Variants in TGM6 observed in about 807,000 individuals in gnomAD.
TGM6 encodes the protein transglutaminase 6.
Under a neutral mutation model 77.5 loss-of-function variants are expected in TGM6, and 74 were observed. The observed-to-expected ratio is 0.96, with a 90% CI of 0.79 to 1.16. TGM6 has a LOEUF of 1.16. TGM6 is among the 50% of genes most tolerant of loss of function. The pLI is 0.00. For synonymous variants in TGM6, 383 were observed against 378.9 expected, an observed-to-expected ratio of 1.01 and a Z score of -0.12; for missense variants, 968 against 940.2, an observed-to-expected ratio of 1.03 and a Z score of -0.39.
intron 7 of TGM6, among the ~76,000 whole-genome samples, chr20:2,402,382 T>C (rs1045669860): frequency 4.6e-5 from 7 of 152,180 alleles, no homozygotes; most frequent in African/African-American, 1.7e-4. Context: ...GGCCTCCAGC[T>C]CAGACCATCT....
intron 2 of TGM6, 106 bp from the exon 3 acceptor site, chr20:2,395,088 A>G (rs2084653974): frequency 6.5e-7 from 1 of 1,533,938 alleles, no homozygotes; most frequent in Non-Finnish European, 8.8e-7. Context: ...GCCTCCCAGA[A>G]GTTCAGGGGG....
chr20:2,417,413 GCTGGGCCACGACCTGAGA>G lies in TGM6; in HGVS notation c.1523_1540del (p.Gly508_Leu513del). The stretch of plus-strand genomic sequence containing the variant: ...AGTTCAAGGTGCTAGAGCCTCCCAT[GCTGGGCCACGACCTGAGA>G]CTGGCCCTGTGCTTGGCCAACCTCA... On this transcript the variant is annotated inframe_deletion, in exon 10 of 13. Transcript: ENST00000202625. 1 of 1,613,240 alleles carries G rather than the reference GCTGGGCCACGACCTGAGA, an allele frequency of 6.2e-7. No homozygotes were observed.
chr20:2,430,662 A>G, intron 11 of TGM6, 62 bp downstream of exon 11: 1 of 1,609,732 alleles, frequency 6.2e-7, no homozygotes, highest in Non-Finnish European at 8.5e-7. Context: ...GAGCTGGGGG[A>G]GGGCGTCAGA....
At chr20:2,422,322 T>G (rs907356366) in intron 10 of TGM6, among the ~76,000 whole-genome samples, 1 of 152,188 alleles carries the variant, frequency 6.6e-6, no homozygotes, top group Non-Finnish European at 1.5e-5. Context: ...CACCATTTGT[T>G]GACTATCTTT....
intron 10 of TGM6, 137 bp from the exon 11 acceptor site, chr20:2,430,309 G>A (rs1447775758): frequency 1.7e-6 from 2 of 1,211,066 alleles, no homozygotes; most frequent in African/African-American, 3.0e-5. Flanking sequence ...TGAGAACCGA[G>A]GAAAATAAAG....
At chr20:2,420,047 A>G (rs1324138630) in intron 10 of TGM6, among the ~76,000 whole-genome samples, 2 of 152,154 alleles carry the variant, frequency 1.3e-5, no homozygotes, top group African/African-American at 2.4e-5. Flanking sequence ...GATGGAGACC[A>G]TCCTAGCTAA....
At chr20:2,417,754 G>A (rs1353875516) in intron 10 of TGM6, among the ~76,000 whole-genome samples, 181 bp downstream of exon 10, 2 of 152,162 alleles carry the variant, frequency 1.3e-5, no homozygotes, top group East Asian at 3.9e-4. Context: ...ACTGAGACTC[G>A]GAGGGGCAAA....
chr20:2,385,342 A>G lies in TGM6; in HGVS notation c.7+4367A>G, dbSNP rs537639319. ...GAGGCTATGTGACAATCTTCACATC[A>G]GCACTCTCTCGGCTGGGGAGGGGGG... On this transcript the variant is annotated intron_variant, in intron 1 of 12. Transcript: ENST00000202625. Among the ~76,000 whole-genome samples, 22 of 151,958 alleles carry G rather than the reference A, an allele frequency of 1.4e-4. No individual in the cohort carries two copies. The South Asian group carries it at 4.0e-3, about 27-fold the overall frequency.
At chr20:2,423,048 G>A (rs796286592) in intron 10 of TGM6, among the ~76,000 whole-genome samples, 7 of 151,592 alleles carry the variant, frequency 4.6e-5, no homozygotes, top group African/African-American at 1.7e-4. Context: ...TGCTACCTTA[G>A]TTGATAAAGC....
At chr20:2,387,675 T>C (rs1184254285) in intron 1 of TGM6, among the ~76,000 whole-genome samples, 1 of 152,248 alleles carries the variant, frequency 6.6e-6, no homozygotes, top group Admixed American at 6.5e-5. Flanking sequence ...GACAAGAATC[T>C]TGGCTCTCTC....
rs145188108 is a variant in TGM6 at position 2,408,724 on chromosome 20, T to C, written c.1336+4901T>C. Among the ~76,000 whole-genome samples the C allele has an allele frequency of 3.0e-3, 458 of 152,320 alleles. 4 individuals are homozygous for C. The highest frequency in any genetic ancestry group is 0.01 in the African/African-American group (426 of 41,566). ...GCTACAGGACATATAAGCCACATTT[T>C]CACATTTTTTTCTATTGGCATGTGT... On this transcript the variant is annotated intron_variant, in intron 9 of 12. Coordinates refer to ENST00000202625, the MANE Select transcript of TGM6 (RefSeq NM_198994.3).
intron 1 of TGM6, among the ~76,000 whole-genome samples, chr20:2,384,526 G>T (rs2084580969): frequency 6.6e-6 from 1 of 152,128 alleles, no homozygotes; most frequent in Non-Finnish European, 1.5e-5. Context: ...GTATGTGCCT[G>T]GTACCAGTCT....
intron 10 of TGM6, among the ~76,000 whole-genome samples, chr20:2,419,043 C>T (rs1244914343): frequency 6.6e-6 from 1 of 152,230 alleles, no homozygotes. Flanking sequence ...TCCTTGAACA[C>T]ATAGCACTTC....
chr20:2,381,189 C>G (rs2084552251), intron 1 of TGM6, among the ~76,000 whole-genome samples: 2 of 152,156 alleles, frequency 1.3e-5, no homozygotes, highest in South Asian at 4.1e-4. Flanking sequence ...CCCAGGCTGG[C>G]TCAGGCGCTG....
intron 5 of TGM6, 106 bp downstream of exon 5, chr20:2,398,152 T>A: frequency 6.3e-7 from 1 of 1,588,938 alleles, no homozygotes; most frequent in Non-Finnish European, 8.6e-7. Flanking sequence ...TTTAATTCGC[T>A]GTTGTTGCAG....
intron 1 of TGM6, among the ~76,000 whole-genome samples, chr20:2,384,463 G>A (rs796431864): frequency 1.9e-4 from 29 of 152,282 alleles, no homozygotes; most frequent in African/African-American, 6.7e-4. Flanking sequence ...TGGCAGCTAG[G>A]AGGTCTTGTG....
chr20:2,400,104 T>C (rs2084695888), intron 6 of TGM6, among the ~76,000 whole-genome samples: 1 of 152,106 alleles, frequency 6.6e-6, no homozygotes, highest in Non-Finnish European at 1.5e-5. Context: ...CTGAAGTCCT[T>C]GAGAGAACGT....
intron 1 of TGM6, among the ~76,000 whole-genome samples, chr20:2,384,106 CAAA>C (rs35843804): frequency 9.5e-5 from 8 of 84,586 alleles, no homozygotes; most frequent in Non-Finnish European, 9.6e-5. Flanking sequence ...GACTCCGTCT[CAAA>C]AAAAAAAAAA....
intron 1 of TGM6, among the ~76,000 whole-genome samples, chr20:2,393,754 T>C (rs867610694): frequency 2.6e-5 from 4 of 152,108 alleles, no homozygotes; most frequent in Non-Finnish European, 5.9e-5. Flanking sequence ...CTCGAGCTCC[T>C]GAGCTTAGGC....
Sources: allele counts gnomAD v4.1 joint callset (sites outside exome capture counted in the v4.1 genomes callset), GRCh38; gene constraint gnomAD v4.1.1; transcripts MANE v1.5; gene names NCBI Gene and HGNC (gene_info 2026-07-23, HGNC 2026-07-21).